Variants in AJAP1 observed in about 807,000 individuals in gnomAD.
AJAP1 encodes the protein adherens junction-associated protein 1.
Under a neutral mutation model 35.0 loss-of-function variants are expected in AJAP1, and 5 were observed. The ratio of observed to expected loss-of-function variants is 0.14; its 90% CI spans 0.07 to 0.30. AJAP1 has a LOEUF of 0.30. Ranked by LOEUF, AJAP1 falls within the 10% of genes least tolerant of loss-of-function variation. The probability of loss-of-function intolerance (pLI) is 1.00; values close to 1 mark genes in which losing one functional copy is unlikely to be tolerated. For missense variants in AJAP1, 586 were observed against 571.0 expected (o/e 1.03, Z -0.27); for synonymous variants, 284 against 249.3 (o/e 1.14, Z -1.31).
At chr1:4,741,516 C>A (rs1641068778) in intron 2 of AJAP1, among the ~76,000 whole-genome samples, 1 of 152,210 alleles carries the variant, frequency 6.6e-6, no homozygotes, top group South Asian at 2.1e-4. Context: ...CATCTTAATT[C>A]ATTCTTGAAG....
In AJAP1 at chr1:4,789,563, G is replaced by A. The variant is rs553205427; in HGVS notation, c.*7078G>A. 12 of 152,296 alleles carry A rather than the reference G, an allele frequency of 7.9e-5. No individual in the cohort carries two copies. The South Asian group carries it at 2.5e-3, about 32-fold the overall frequency. The allele number at this position is 152,296 out of a possible 1,614,324, so 9.4% of individuals were successfully genotyped here. ...CAACACTAAATAACAACTCCCTAAAGACTTCAGTCTTGCATGGGCATAAGC... is the reference window on the plus strand; with the variant it reads ...CAACACTAAATAACAACTCCCTAAAAACTTCAGTCTTGCATGGGCATAAGC... On this transcript the variant is annotated 3_prime_UTR_variant, in exon 6 of 6. Transcript: ENST00000378191. The surrounding 1 kb of genome is among the most constrained non-coding windows in gnomAD (Gnocchi z 4.4).
At chr1:4,733,291 G>A (rs139972785) in intron 2 of AJAP1, among the ~76,000 whole-genome samples, 6 of 152,038 alleles carry the variant, frequency 3.9e-5, no homozygotes, top group African/African-American at 1.4e-4. Flanking sequence ...CCGTGGGTCT[G>A]TGCTTCCCCA....
Position 4,772,477 on chromosome 1 carries a change from C to T in AJAP1, c.1115C>T (p.Thr372Met), listed in dbSNP as rs778844569. Reference protein sequence around the residue: ...RASVPVYTDETLHSTTGEYKS... With the variant: ...RASVPVYTDEMLHSTTGEYKS... Reference sequence around the variant, plus strand: ...TCTGTGCCCGTGTACACCGATGAGACGCTGCACTCGACGACGGGGGAGTAC... The same window carrying T: ...TCTGTGCCCGTGTACACCGATGAGATGCTGCACTCGACGACGGGGGAGTAC... Residue 372 changes from threonine (T) to methionine (M), a missense_variant, in exon 4 of 6, where the codon ACG becomes ATG. Thr to Met is a moderately conservative substitution (Grantham distance 81). Coordinates refer to ENST00000378191, the MANE Select transcript of AJAP1 (RefSeq NM_018836.4). The T allele has an allele frequency of 1.3e-5, 21 of 1,614,086 alleles. No individual in the cohort carries two copies. Among genetic ancestry groups the T allele is most frequent in the Middle Eastern group, 1.6e-4 (1 of 6,084 alleles).
chr1:4,760,274 TGTGA>T (rs1343996119), intron 2 of AJAP1, among the ~76,000 whole-genome samples: 11 of 151,892 alleles, frequency 7.2e-5, no homozygotes, highest in East Asian at 1.9e-4. Flanking sequence ...TCCGTGTATG[TGTGA>T]GTGTGTGTGT....
In AJAP1 at chr1:4,693,214, G is replaced by A. The variant is rs1258965448; in HGVS notation, c.30-18686G>A. Among the ~76,000 whole-genome samples, 1 of 152,122 alleles carries A rather than the reference G, an allele frequency of 6.6e-6. No homozygotes were observed. The highest frequency in any genetic ancestry group is 1.5e-5 in the Non-Finnish European group (1 of 68,012). On this transcript the variant is annotated intron_variant, in intron 1 of 5. Transcript: ENST00000378191. This position sits in a 1 kb window ranked among gnomAD's most constrained non-coding sequence, Gnocchi z 4.4. ...CTGCCCAGGATTCAAAGGCCCACCC[G>A]AGTGGGGAGGCGCCCATGGGAACTT... is the stretch of plus-strand genomic sequence containing the variant.
chr1:4,688,771 C>CAAA (rs5772177), intron 1 of AJAP1, among the ~76,000 whole-genome samples: 15 of 87,912 alleles, frequency 1.7e-4, no homozygotes, highest in Non-Finnish European at 2.0e-4. Context: ...GACTCCGTCT[C>CAAA]AAAAAAAAAA....
chr1:4,761,844 T>A (rs1641574173), intron 2 of AJAP1, among the ~76,000 whole-genome samples: 2 of 152,164 alleles, frequency 1.3e-5, no homozygotes, highest in Non-Finnish European at 2.9e-5. Context: ...TGCCTGCTTT[T>A]ATTCTGGCTG....
At chr1:4,743,413 G>GGAA (rs1272924307) in intron 2 of AJAP1, among the ~76,000 whole-genome samples, 1 of 152,134 alleles carries the variant, frequency 6.6e-6, no homozygotes, top group Non-Finnish European at 1.5e-5. Flanking sequence ...AAACTAAAAG[G>GGAA]GAAGGGGCTT....
intron 5 of AJAP1, among the ~76,000 whole-genome samples, chr1:4,779,969 A>G (rs1039354663): frequency 2.6e-5 from 4 of 151,680 alleles, no homozygotes; most frequent in African/African-American, 9.7e-5. Context: ...ACATGGCGAA[A>G]CCCCATCTCT....
chr1:4,784,300 A>G lies in AJAP1; in HGVS notation c.*1815A>G, dbSNP rs957262835. On this transcript the variant is annotated 3_prime_UTR_variant, in exon 6 of 6. Transcript: ENST00000378191. ...TCATGGCCCACGCTGTGCCTCCTTA[A>G]AGGATGTTTCCTGTCCATGGGAGAC... is the stretch of plus-strand genomic sequence containing the variant. 4 of 152,172 alleles carry G rather than the reference A, an allele frequency of 2.6e-5. No homozygotes were observed. Among genetic ancestry groups the G allele is most frequent in the Non-Finnish European group, 5.9e-5 (4 of 68,032 alleles). The allele number at this position is 152,172 out of a possible 1,614,324, so 9.4% of individuals were successfully genotyped here.
chr1:4,716,709 G>GAGA (rs1215055035), intron 2 of AJAP1, among the ~76,000 whole-genome samples: 2 of 151,394 alleles, frequency 1.3e-5, no homozygotes, highest in Admixed American at 1.3e-4. Flanking sequence ...TGGTGATAGA[G>GAGA]AGATGATGAT....
intron 2 of AJAP1, among the ~76,000 whole-genome samples, chr1:4,741,108 C>T (rs1476289512): frequency 2.0e-5 from 3 of 151,986 alleles, no homozygotes; most frequent in Non-Finnish European, 4.4e-5. Context: ...GTCTGCCTCA[C>T]GCAGGGGTTG....
intron 2 of AJAP1, among the ~76,000 whole-genome samples, chr1:4,714,198 A>AGATG (rs779036258): frequency 6.6e-6 from 1 of 152,176 alleles, no homozygotes. Context: ...CCATGCCCAG[A>AGATG]GATGGAGGCT....
rs1255435077 is a variant in AJAP1, at chr1:4,774,548, T to C, written c.*49T>C. 2 of 1,557,668 alleles carry C rather than the reference T, an allele frequency of 1.3e-6. No individual in the cohort carries two copies. The highest frequency in any genetic ancestry group is 1.8e-6 in the Non-Finnish European group (2 of 1,129,992). ...CTGGGGGCAGGGCAGACGCCGTGTG[T>C]CTGTTTCACGGTAGGTACCTCTCTT... On this transcript the variant is annotated 3_prime_UTR_variant, in exon 5 of 6. Coordinates refer to ENST00000378191, the MANE Select transcript of AJAP1 (RefSeq NM_018836.4).
intron 1 of AJAP1, among the ~76,000 whole-genome samples, chr1:4,688,302 G>T (rs1297695632): frequency 6.6e-6 from 1 of 152,204 alleles, no homozygotes; most frequent in Admixed American, 6.5e-5. Flanking sequence ...ATCCAAGAGA[G>T]ACAGTGAGAG....
chr1:4,662,395 A>T (rs1343459519), intron 1 of AJAP1, among the ~76,000 whole-genome samples: 1 of 152,116 alleles, frequency 6.6e-6, no homozygotes, highest in Admixed American at 6.6e-5. Context: ...AGGTGTGTCT[A>T]CGCAGTAGCT....
rs572234732 is a variant in AJAP1 at position 4,656,091 on chromosome 1, G to A, written c.29+637G>A. ...GAGCTGGGGTTCTTGGGGAGCTCCG[G>A]CGGCCACCCCGCTGTAAACACACAC... On this transcript the variant is annotated intron_variant, in intron 1 of 5. Transcript: ENST00000378191. The surrounding 1 kb of genome is among the most constrained non-coding windows in gnomAD (Gnocchi z 5.7). 2.1e-4 allele frequency among the ~76,000 whole-genome samples: 32 copies of A among 152,014 alleles called. No individual in the cohort carries two copies. Among genetic ancestry groups the A allele is most frequent in the African/African-American group, 7.7e-4 (32 of 41,488 alleles).
At chr1:4,722,640 C>T (rs1442117365) in intron 2 of AJAP1, among the ~76,000 whole-genome samples, 1 of 152,208 alleles carries the variant, frequency 6.6e-6, no homozygotes, top group East Asian at 1.9e-4. Context: ...CTCCGGAGGC[C>T]CTGGGTGAGG....
In AJAP1 at chr1:4,772,534, G is replaced by A. The variant is rs367723544; in HGVS notation, c.1163+9G>A. 3.8e-5 allele frequency: 61 copies of A among 1,613,238 alleles called. No homozygotes were observed. The highest frequency in any genetic ancestry group is 5.1e-5 in the Non-Finnish European group (60 of 1,179,492). ...ACATTTAATGGAAACCGGTAAGCTC[G>A]GGCTCTGCTAGACCCTGCAGCTGTG... On this transcript the variant is annotated intron_variant, in intron 4 of 5. Coordinates refer to ENST00000378191, the MANE Select transcript of AJAP1 (RefSeq NM_018836.4).
Sources: gnomAD v4.1 joint callset for allele counts (sites outside exome capture counted in the v4.1 genomes callset) on GRCh38, gnomAD v4.1.1 for gene constraint, Gnocchi (gnomAD v3.1) non-coding constraint, MANE v1.5 for transcripts, NCBI Gene and HGNC (gene_info 2026-07-23, HGNC 2026-07-21) for gene names.